NAALADL2: variants seen among roughly 807,000 people sequenced by gnomAD.
NAALADL2 encodes the protein inactive N-acetylated-alpha-linked acidic dipeptidase-like protein 2.
Under a neutral mutation model 87.2 loss-of-function variants are expected in NAALADL2, and 76 were observed. That is an observed-to-expected ratio of 0.87 (90% CI 0.72 to 1.05). The LOEUF is 1.05. Ranked by LOEUF, NAALADL2 falls within the 50% of genes least tolerant of loss-of-function variation. The pLI, the probability that NAALADL2 is intolerant of heterozygous loss-of-function variation, is 0.00. For missense variants in NAALADL2, 1,089 were observed against 945.8 expected (o/e 1.15, Z -1.99); for synonymous variants, 354 against 331.0 (o/e 1.07, Z -0.75).
At chr3:175,029,022 A>G (rs1752516489) in intron 1 of NAALADL2, among the ~76,000 whole-genome samples, 1 of 143,020 alleles carries the variant, frequency 7.0e-6, no homozygotes, top group African/African-American at 2.5e-5. Flanking sequence ...ATGAAAAATT[A>G]CATATATGTA....
intron 1 of NAALADL2, among the ~76,000 whole-genome samples, chr3:174,885,971 T>C (rs1444166478): frequency 7.9e-6 from 1 of 127,348 alleles, no homozygotes; most frequent in Non-Finnish European, 1.6e-5. Flanking sequence ...TGGAGTGCAG[T>C]GGCTCAATCT....
intron 4 of NAALADL2, among the ~76,000 whole-genome samples, chr3:175,323,210 C>T (rs1327140501): frequency 6.7e-6 from 1 of 149,396 alleles, no homozygotes; most frequent in Non-Finnish European, 1.5e-5. Context: ...AAGCTGGAAA[C>T]CATCATTCTC....
chr3:175,605,994 C>T (rs188017145), intron 10 of NAALADL2, among the ~76,000 whole-genome samples: 14 of 152,224 alleles, frequency 9.2e-5, no homozygotes, highest in Admixed American at 5.9e-4. Flanking sequence ...GAATCTATGA[C>T]GACATTCTTC....
chr3:174,744,238 C>G (rs556093204), intron 3 of NAALADL2, among the ~76,000 whole-genome samples: 1 of 151,748 alleles, frequency 6.6e-6, no homozygotes, highest in African/African-American at 2.4e-5. Flanking sequence ...ATTATCCAGG[C>G]GGGCCCAATG....
rs552972651 is a variant in NAALADL2 at position 175,348,074 on chromosome 3, G to A, written c.1090+23749G>A. Among the ~76,000 whole-genome samples, 8 of 152,008 alleles carry A rather than the reference G, an allele frequency of 5.3e-5. No homozygotes were observed. In the South Asian group the frequency reaches 6.2e-4, roughly 12 times the overall value. Reference sequence around the variant, plus strand: ...TCTTTTGTTTTGTTTTGTTTGAGACGGAATTTTGCTCTTGTTGCCCAGGCT... The same window carrying A: ...TCTTTTGTTTTGTTTTGTTTGAGACAGAATTTTGCTCTTGTTGCCCAGGCT... On this transcript the variant is annotated intron_variant, in intron 5 of 13. Transcript: ENST00000454872.
chr3:174,584,730 G>A (rs1028130281), intron 2 of NAALADL2, among the ~76,000 whole-genome samples: 2 of 151,960 alleles, frequency 1.3e-5, no homozygotes, highest in African/African-American at 4.8e-5. Flanking sequence ...TGTGAGTTTT[G>A]CTGGTCCTTT....
Position 175,803,214 on chromosome 3 carries a change from A to C in NAALADL2, c.*11A>C. The C allele has an allele frequency of 6.4e-7, 1 of 1,572,556 alleles. No individual in the cohort carries two copies. Among genetic ancestry groups the C allele is most frequent in the South Asian group, 1.2e-5 (1 of 86,946 alleles). On this transcript the variant is annotated 3_prime_UTR_variant, in exon 14 of 14. Coordinates refer to ENST00000454872, the MANE Select transcript of NAALADL2 (RefSeq NM_207015.3). ...GATGGGAAGAATTGAGAAAACTCTGAGCATTTTTAAAAGTTTGTTTACAAT... is the reference window on the plus strand; with the variant it reads ...GATGGGAAGAATTGAGAAAACTCTGCGCATTTTTAAAAGTTTGTTTACAAT...
intron 2 of NAALADL2, among the ~76,000 whole-genome samples, chr3:174,684,852 G>A (rs1490447160): frequency 6.6e-6 from 1 of 152,030 alleles, no homozygotes; most frequent in Non-Finnish European, 1.5e-5. Context: ...TTAACAACAG[G>A]ACACTTGATG....
At chr3:174,695,919 G>C (rs773160507) in intron 2 of NAALADL2, among the ~76,000 whole-genome samples, 4 of 151,896 alleles carry the variant, frequency 2.6e-5, no homozygotes, top group Non-Finnish European at 4.4e-5. Context: ...ACTGTCAAAG[G>C]GCTAAGAGAT....
At chr3:174,848,382 C>T (rs986388579) in intron 3 of NAALADL2, among the ~76,000 whole-genome samples, 19 of 152,048 alleles carry the variant, frequency 1.2e-4, no homozygotes, top group African/African-American at 2.2e-4. Context: ...ATTCTCCAAC[C>T]GAGTGATAAA....
intron 1 of NAALADL2, among the ~76,000 whole-genome samples, chr3:174,944,902 T>C (rs568954810): frequency 5.9e-5 from 9 of 152,216 alleles, no homozygotes; most frequent in African/African-American, 2.2e-4. Flanking sequence ...TGCCTTAAGT[T>C]TCTTTGTTCT....
chr3:174,734,290 A>C (rs1035528979), intron 2 of NAALADL2, among the ~76,000 whole-genome samples: 1 of 152,208 alleles, frequency 6.6e-6, no homozygotes, highest in Non-Finnish European at 1.5e-5. Flanking sequence ...GTGTATAGGC[A>C]GGTATGCACA....
chr3:175,525,404 C>T (rs1733251178), intron 9 of NAALADL2, among the ~76,000 whole-genome samples: 1 of 152,096 alleles, frequency 6.6e-6, no homozygotes. Context: ...TTTACTTATC[C>T]ATTCTCTGAG....
At position 175,273,009 on chromosome 3, in the gene NAALADL2, T is replaced by C. The variant is rs140709498; in HGVS notation, c.939+16479T>C. Among the ~76,000 whole-genome samples the C allele has an allele frequency of 2.2e-3, 337 of 152,250 alleles. 2 individuals are homozygous for C. Among genetic ancestry groups the C allele is most frequent in the African/African-American group, 7.8e-3 (326 of 41,572 alleles). Reference sequence around the variant, plus strand: ...AAGATAAAAGGAACAAAATCCGATTTATATTTAATCTTGAGTATTTTTCAT... The same window carrying C: ...AAGATAAAAGGAACAAAATCCGATTCATATTTAATCTTGAGTATTTTTCAT... On this transcript the variant is annotated intron_variant, in intron 4 of 13. Transcript: ENST00000454872.
intron 1 of NAALADL2, among the ~76,000 whole-genome samples, chr3:174,958,850 G>C (rs1478891050): frequency 6.6e-6 from 1 of 152,036 alleles, no homozygotes; most frequent in Non-Finnish European, 1.5e-5. Flanking sequence ...TATATCTGTT[G>C]TTGCTTGTAG....
chr3:175,616,354 T>G (rs944035812), intron 10 of NAALADL2, among the ~76,000 whole-genome samples: 1 of 151,024 alleles, frequency 6.6e-6, no homozygotes, highest in Non-Finnish European at 1.5e-5. Context: ...ATTATTGCTA[T>G]CACTATTAAA....
intron 5 of NAALADL2, among the ~76,000 whole-genome samples, chr3:175,413,601 T>C (rs1419159675): frequency 2.0e-5 from 3 of 149,170 alleles, no homozygotes; most frequent in African/African-American, 7.4e-5. Context: ...ACATGTGCTA[T>C]ATGGTAATGT....
chr3:174,982,892 G>A (rs1035914431), intron 1 of NAALADL2, among the ~76,000 whole-genome samples: 1 of 152,114 alleles, frequency 6.6e-6, no homozygotes, highest in Non-Finnish European at 1.5e-5. Flanking sequence ...CCGCCTCCTG[G>A]GTTCACGCCA....
intron 9 of NAALADL2, among the ~76,000 whole-genome samples, chr3:175,575,527 C>T (rs532887401): frequency 3.7e-4 from 56 of 152,146 alleles, no homozygotes; most frequent in African/African-American, 1.2e-3. Context: ...TCAGGTGACC[C>T]GCCTGCCTCA....
Sources: allele counts gnomAD v4.1 joint callset (sites outside exome capture counted in the v4.1 genomes callset), GRCh38; gene constraint gnomAD v4.1.1; transcripts MANE v1.5; gene names NCBI Gene and HGNC (gene_info 2026-07-23, HGNC 2026-07-21).